Variants in CACHD1 observed in about 807,000 individuals in gnomAD.
CACHD1 encodes the protein cache domain containing 1.
CACHD1 carries 71 observed loss-of-function variants against 138.7 expected under a neutral mutation model. The observed-to-expected ratio is 0.51, with a 90% CI of 0.42 to 0.62. The LOEUF (loss-of-function observed/expected upper bound fraction) is 0.62. CACHD1 is among the 20% of genes least tolerant of loss of function. The pLI, the probability that CACHD1 is intolerant of heterozygous loss-of-function variation, is 0.00. For missense variants in CACHD1, 1,389 were observed against 1,625.3 expected, an observed-to-expected ratio of 0.85 and a Z score of 2.50; for synonymous variants, 578 against 591.5, an observed-to-expected ratio of 0.98 and a Z score of 0.33.
Position 64,565,863 on chromosome 1 carries a change from G to T in CACHD1, c.261+15207G>T, listed in dbSNP as rs1223891777. Among the ~76,000 whole-genome samples the T allele has an allele frequency of 7.2e-5, 11 of 152,324 alleles. No homozygotes were observed. The South Asian group carries it at 2.3e-3, about 32-fold the overall frequency. On this transcript the variant is annotated intron_variant, in intron 2 of 26. Transcript: ENST00000651257. ...CAAGACCTCAGAAATGAATGTGGCA[G>T]TGACCAGATGTTTAATCCAAGTTTA...
At chr1:64,624,269 G>A (rs1648021967) in intron 4 of CACHD1, among the ~76,000 whole-genome samples, 1 of 152,216 alleles carries the variant, frequency 6.6e-6, no homozygotes, top group Non-Finnish European at 1.5e-5. Context: ...TGATTATAAT[G>A]AACCAGAATG....
intron 1 of CACHD1, among the ~76,000 whole-genome samples, chr1:64,544,067 T>C (rs1646699496): frequency 6.6e-6 from 1 of 152,060 alleles, no homozygotes; most frequent in South Asian, 2.1e-4. Context: ...GCGATAACAG[T>C]GGTGATCTAT....
chr1:64,684,363 C>CTTTTTTTTTT (rs397980387), intron 26 of CACHD1, among the ~76,000 whole-genome samples: 21 of 54,958 alleles, frequency 3.8e-4, no homozygotes, highest in East Asian at 1.3e-3. Flanking sequence ...TCTTCTTCTT[C>CTTTTTTTTTT]TTTTTTTTTT....
Position 64,634,245 on chromosome 1 carries a change from A to G in CACHD1, c.991A>G (p.Thr331Ala). 1 of 1,613,958 alleles carries G rather than the reference A, an allele frequency of 6.2e-7. No homozygotes were observed. Among genetic ancestry groups the G allele is most frequent in the Non-Finnish European group, 8.5e-7 (1 of 1,179,930 alleles). Residue 331 changes from threonine (T) to alanine (A), a missense_variant, in exon 7 of 27, where the codon ACA (threonine) becomes GCA (alanine). Physicochemically the swap from Thr to Ala is moderately conservative, Grantham distance 58. Coordinates refer to ENST00000651257, the MANE Select transcript of CACHD1 (RefSeq NM_020925.4). The part of the protein sequence containing the change: ...FQLIRSTNNN[T>A]KFQANTDMVI... Reference sequence around the variant, plus strand: ...GCTGATTCGAAGTACAAACAATAACACAAAGTTCCAAGCAAGTGAGTGCGT... The same window carrying G: ...GCTGATTCGAAGTACAAACAATAACGCAAAGTTCCAAGCAAGTGAGTGCGT...
chr1:64,507,835 CAT>C (rs755761598), intron 1 of CACHD1, among the ~76,000 whole-genome samples: 3 of 152,178 alleles, frequency 2.0e-5, no homozygotes, highest in Non-Finnish European at 4.4e-5. Context: ...CTGGGCAAAT[CAT>C]TTAAAGTTGG....
At chr1:64,680,605 G>A (rs933749849) in intron 24 of CACHD1, among the ~76,000 whole-genome samples, 3 of 152,110 alleles carry the variant, frequency 2.0e-5, no homozygotes, top group Non-Finnish European at 4.4e-5. Flanking sequence ...TGTTTGCAGG[G>A]AACAAAACTG....
intron 2 of CACHD1, among the ~76,000 whole-genome samples, chr1:64,555,617 T>C (rs10789159): frequency 0.91 from 138,788 of 152,150 alleles, 63,528 homozygotes; most frequent in East Asian, 1. Flanking sequence ...GATGGGGTTT[T>C]GCCATGTTGA....
Position 64,483,820 on chromosome 1 carries a change from A to G in CACHD1, c.198+12878A>G, listed in dbSNP as rs991059439. The stretch of plus-strand genomic sequence containing the variant: ...AATTACTGGTGGCCTTCACAGCTGT[A>G]TGTGATCTGGCCCCTGCCACCTTTG... On this transcript the variant is annotated intron_variant, in intron 1 of 26. Coordinates refer to ENST00000651257, the MANE Select transcript of CACHD1 (RefSeq NM_020925.4). 7.3e-5 allele frequency among the ~76,000 whole-genome samples: 11 copies of G among 151,382 alleles called. 1 individual carries two copies. The South Asian group carries it at 1.9e-3, about 26-fold the overall frequency.
intron 22 of CACHD1, 39 bp from the exon 23 acceptor site, chr1:64,678,120 C>G: frequency 1.3e-6 from 2 of 1,597,256 alleles, no homozygotes; most frequent in Middle Eastern, 1.7e-4. Context: ...CCCTGCCCCA[C>G]ACTGCTTTAT....
At chr1:64,487,250 C>G (rs1646247930) in intron 1 of CACHD1, among the ~76,000 whole-genome samples, 2 of 152,146 alleles carry the variant, frequency 1.3e-5, no homozygotes, top group Admixed American at 1.3e-4. Context: ...TCTCTTGGCT[C>G]TGTCACCCCC....
chr1:64,606,328 G>A (rs922593266), intron 4 of CACHD1, among the ~76,000 whole-genome samples: 1 of 152,196 alleles, frequency 6.6e-6, no homozygotes, highest in African/African-American at 2.4e-5. Context: ...ATCTGAGTAA[G>A]TGGGATTGTA....
chr1:64,516,063 A>G lies in CACHD1; in HGVS notation c.199-34531A>G, dbSNP rs368458414. Among the ~76,000 whole-genome samples, 25 of 152,348 alleles carry G rather than the reference A, an allele frequency of 1.6e-4. No homozygotes were observed. The East Asian group carries it at 2.5e-3, about 15-fold the overall frequency. On this transcript the variant is annotated intron_variant, in intron 1 of 26. Coordinates refer to ENST00000651257, the MANE Select transcript of CACHD1 (RefSeq NM_020925.4). ...GCAAATATCTGAAAAAAATATTTGT[A>G]TATTCAAGTAGTCTTTTTCTTGATA... is the stretch of plus-strand genomic sequence containing the variant.
rs1553146851 is a variant in CACHD1, at chr1:64,681,541, G to GGTTTTTTTTTTTTTTTTTTTTTTTTTT, written c.3484+206_3484+207insGTTTTTTTTTTTTTTTTTTTTTTTTTT. ...AGAGAATCTCAAAAGATTTTATTGTGTTTTTTTTTTTTTTTTTTTTTTTGC... is the reference window on the plus strand; with the variant it reads ...AGAGAATCTCAAAAGATTTTATTGTGGTTTTTTTTTTTTTTTTTTTTTTTTTTTTTTTTTTTTTTTTTTTTTTTTTGC... On this transcript the variant is annotated intron_variant, in intron 25 of 26. Transcript: ENST00000651257. Among the ~76,000 whole-genome samples the GGTTTTTTTTTTTTTTTTTTTTTTTTTT allele has an allele frequency of 1.5e-4, 10 of 68,146 alleles. 1 individual carries two copies. The highest frequency in any genetic ancestry group is 6.6e-4 in the African/African-American group (9 of 13,658). The allele number at this position is 68,146 out of a possible 152,430, so 44.7% of individuals were successfully genotyped here.
chr1:64,510,413 C>A (rs191902039), intron 1 of CACHD1, among the ~76,000 whole-genome samples: 1 of 152,236 alleles, frequency 6.6e-6, no homozygotes, highest in East Asian at 1.9e-4. Context: ...GGACTGTTAC[C>A]TGGGACTTTG....
chr1:64,680,897 C>T (rs1313197448), intron 24 of CACHD1, among the ~76,000 whole-genome samples: 1 of 152,176 alleles, frequency 6.6e-6, no homozygotes, highest in Non-Finnish European at 1.5e-5. Flanking sequence ...TTATGCCTGG[C>T]CTTTTGGAGG....
intron 1 of CACHD1, among the ~76,000 whole-genome samples, chr1:64,487,922 C>G (rs1006035863): frequency 1.3e-5 from 2 of 152,156 alleles, no homozygotes; most frequent in African/African-American, 4.8e-5. Flanking sequence ...GATACAGCTT[C>G]AAAATATAAT....
intron 1 of CACHD1, among the ~76,000 whole-genome samples, chr1:64,541,668 C>CAA (rs141403980): frequency 2.0e-4 from 31 of 151,616 alleles, no homozygotes; most frequent in South Asian, 6.3e-4. Flanking sequence ...ACAAAACCAA[C>CAA]AAAAAAAACA....
intron 1 of CACHD1, among the ~76,000 whole-genome samples, chr1:64,512,836 GT>G (rs1420600250): frequency 6.6e-6 from 1 of 152,152 alleles, no homozygotes; most frequent in Non-Finnish European, 1.5e-5. Context: ...ATGTGGTTAA[GT>G]TTTTTCTGCC....
intron 1 of CACHD1, among the ~76,000 whole-genome samples, chr1:64,504,492 C>T (rs1253112553): frequency 6.6e-6 from 1 of 152,080 alleles, no homozygotes; most frequent in East Asian, 1.9e-4. Flanking sequence ...TTTGGGTGTA[C>T]CAGAATTCTC....
Sources: gnomAD v4.1 joint callset for allele counts (sites outside exome capture counted in the v4.1 genomes callset) on GRCh38, gnomAD v4.1.1 for gene constraint, MANE v1.5 for transcripts, NCBI Gene and HGNC (gene_info 2026-07-23, HGNC 2026-07-21) for gene names.